Variants in IMMP2L observed in about 807,000 individuals in gnomAD.
IMMP2L encodes inner mitochondrial membrane peptidase subunit 2, also known as mitochondrial inner membrane protease subunit 2.
IMMP2L carries 18 observed loss-of-function variants against 19.3 expected under a neutral mutation model. The ratio of observed to expected loss-of-function variants is 0.93; its 90% CI spans 0.64 to 1.38. IMMP2L has a LOEUF of 1.38. IMMP2L is among the 40% of genes most tolerant of loss of function. The pLI is 0.00. For synonymous variants in IMMP2L, 76 were observed against 73.0 expected (o/e 1.04, Z -0.21); for missense variants, 233 against 218.2 (o/e 1.07, Z -0.43).
At chr7:110,967,839 A>G (rs976086087) in intron 3 of IMMP2L, among the ~76,000 whole-genome samples, 4 of 152,122 alleles carry the variant, frequency 2.6e-5, no homozygotes, top group African/African-American at 9.7e-5. Context: ...CGAAAAGTCC[A>G]CTCAACACAA....
intron 3 of IMMP2L, among the ~76,000 whole-genome samples, chr7:111,447,492 C>T (rs1323661703): frequency 2.0e-5 from 3 of 147,062 alleles, no homozygotes; most frequent in Non-Finnish European, 3.0e-5. Context: ...AAATACTTTA[C>T]AGACAAGCAA....
chr7:111,032,918 G>A (rs892295606), intron 3 of IMMP2L, among the ~76,000 whole-genome samples: 14 of 152,036 alleles, frequency 9.2e-5, no homozygotes, highest in Admixed American at 3.9e-4. Context: ...TCCGGAGTTC[G>A]AGACTAGCCT....
Position 111,489,661 on chromosome 7 carries a change from G to C in IMMP2L, c.136-2320C>G, listed in dbSNP as rs115216532. On this transcript the variant is annotated intron_variant, in intron 2 of 5. Transcript: ENST00000405709. ...AAATATGTCAAAATTCTGCATGGAG[G>C]CTATTATCTTGACACTATTTTTGAT... 3.6e-3 allele frequency among the ~76,000 whole-genome samples: 552 copies of C among 152,214 alleles called. 5 individuals are homozygous for C. Among genetic ancestry groups the C allele is most frequent in the African/African-American group, 0.012 (514 of 41,524 alleles).
intron 3 of IMMP2L, among the ~76,000 whole-genome samples, chr7:111,109,240 A>C (rs1386387086): frequency 6.6e-6 from 1 of 152,198 alleles, no homozygotes; most frequent in African/African-American, 2.4e-5. Flanking sequence ...ATAAACCATT[A>C]ACTTTCCTTC....
chr7:111,179,081 T>A (rs1469742320), intron 3 of IMMP2L, among the ~76,000 whole-genome samples: 5 of 152,064 alleles, frequency 3.3e-5, no homozygotes, highest in Non-Finnish European at 5.9e-5. Flanking sequence ...CCTCTTTGAT[T>A]CATGGTCTGC....
chr7:110,754,543 T>C (rs1048981942), intron 5 of IMMP2L, among the ~76,000 whole-genome samples: 1 of 152,082 alleles, frequency 6.6e-6, no homozygotes, highest in Non-Finnish European at 1.5e-5. Flanking sequence ...AAATAGTTTA[T>C]AGAAAATGAA....
chr7:111,016,854 AT>A (rs1337047912), intron 3 of IMMP2L, among the ~76,000 whole-genome samples: 1 of 86,046 alleles, frequency 1.2e-5, no homozygotes, highest in East Asian at 3.3e-4. Context: ...TATAATATAT[AT>A]TATATAATAT....
At chr7:111,428,083 C>T (rs574496786) in intron 3 of IMMP2L, among the ~76,000 whole-genome samples, 2 of 151,752 alleles carry the variant, frequency 1.3e-5, no homozygotes, top group Non-Finnish European at 2.9e-5. Context: ...TTGGCTCAGT[C>T]CTGTCAGCAG....
intron 5 of IMMP2L, among the ~76,000 whole-genome samples, chr7:110,778,551 A>G (rs1799542083): frequency 6.6e-6 from 1 of 152,028 alleles, no homozygotes; most frequent in African/African-American, 2.4e-5. Flanking sequence ...AAACTAAAAT[A>G]GAGCAAACTT....
intron 3 of IMMP2L, among the ~76,000 whole-genome samples, chr7:111,461,287 A>C (rs1840113170): frequency 6.6e-6 from 1 of 152,120 alleles, no homozygotes; most frequent in South Asian, 2.1e-4. Context: ...GTACAAAATA[A>C]TACAGATTGG....
chr7:111,358,669 T>A (rs999158514), intron 3 of IMMP2L, among the ~76,000 whole-genome samples: 9 of 152,052 alleles, frequency 5.9e-5, no homozygotes, highest in Non-Finnish European at 1.2e-4. Context: ...TATGCATGGG[T>A]GAAATTTCTA....
chr7:111,059,954 C>G (rs1174783717), intron 3 of IMMP2L, among the ~76,000 whole-genome samples: 2 of 151,302 alleles, frequency 1.3e-5, no homozygotes, highest in East Asian at 3.9e-4. Context: ...AAGAACTCTT[C>G]TTGCCAGAAT....
chr7:111,503,955 T>C (rs1260991092), intron 2 of IMMP2L, among the ~76,000 whole-genome samples: 3 of 152,052 alleles, frequency 2.0e-5, no homozygotes, highest in Non-Finnish European at 2.9e-5. Flanking sequence ...AACATAGTGT[T>C]GGAAATTCTG....
At chr7:111,450,863 G>C (rs1839076536) in intron 3 of IMMP2L, among the ~76,000 whole-genome samples, 1 of 149,932 alleles carries the variant, frequency 6.7e-6, no homozygotes. Context: ...AAATTTACAA[G>C]AAAAAAACAA....
rs1307141173 is a variant in IMMP2L, at chr7:110,773,291, C to G, written c.409-109570G>C. Among the ~76,000 whole-genome samples the G allele has an allele frequency of 4.6e-5, 7 of 152,146 alleles. No individual in the cohort carries two copies. The East Asian group carries it at 1.4e-3, about 29-fold the overall frequency. On this transcript the variant is annotated intron_variant, in intron 5 of 5. Coordinates refer to ENST00000405709, the MANE Select transcript of IMMP2L (RefSeq NM_032549.4). ...TTCACAACCCGCCTGGGGCGATAAT[C>G]TTGCAACTGCTTCAAGCAAAGAGCA...
chr7:111,420,400 A>C lies in IMMP2L; in HGVS notation c.239+66838T>G, dbSNP rs896579523. On this transcript the variant is annotated intron_variant, in intron 3 of 5. Transcript: ENST00000405709. Reference sequence around the variant, plus strand: ...AAAACTATCTGTACAATAAAGGTACAGGTGAAACTTTCTTTTTTTTAAACT... The same window carrying C: ...AAAACTATCTGTACAATAAAGGTACCGGTGAAACTTTCTTTTTTTTAAACT... 5.9e-5 allele frequency among the ~76,000 whole-genome samples: 9 copies of C among 151,848 alleles called. 1 individual carries two copies. The highest frequency in any genetic ancestry group is 2.2e-4 in the African/African-American group (9 of 41,130).
intron 3 of IMMP2L, among the ~76,000 whole-genome samples, chr7:111,007,731 G>A (rs1824459580): frequency 6.6e-6 from 1 of 151,312 alleles, no homozygotes; most frequent in African/African-American, 2.4e-5. Context: ...ATATATGCAT[G>A]TGTGTGTGTG....
chr7:111,215,911 T>C (rs1410145601), intron 3 of IMMP2L, among the ~76,000 whole-genome samples: 1 of 152,174 alleles, frequency 6.6e-6, no homozygotes, highest in Non-Finnish European at 1.5e-5. Context: ...CCCTCTCAGC[T>C]AAAATTTTCT....
At chr7:111,378,623 C>A (rs1830910827) in intron 3 of IMMP2L, among the ~76,000 whole-genome samples, 1 of 151,924 alleles carries the variant, frequency 6.6e-6, no homozygotes, top group African/African-American at 2.4e-5. Flanking sequence ...TAATCAATAT[C>A]TGTTATATCA....
Sources: gnomAD v4.1 joint callset for allele counts (sites outside exome capture counted in the v4.1 genomes callset) on GRCh38, gnomAD v4.1.1 for gene constraint, MANE v1.5 for transcripts, NCBI Gene and HGNC (gene_info 2026-07-23, HGNC 2026-07-21) for gene names.